Variants in PHACTR4 observed in about 807,000 individuals in gnomAD.
PHACTR4 encodes phosphatase and actin regulator 4, also known as protein phosphatase 1, regulatory subunit 124.
PHACTR4 carries 51 observed loss-of-function variants against 72.7 expected under a neutral mutation model. The ratio of observed to expected loss-of-function variants is 0.70; its 90% CI spans 0.56 to 0.89. The LOEUF is 0.89. PHACTR4 is among the 40% of genes least tolerant of loss of function. PHACTR4 has a pLI of 0.00. For missense variants in PHACTR4, 731 were observed against 861.8 expected, an observed-to-expected ratio of 0.85 and a Z score of 1.90; for synonymous variants, 255 against 302.5, an observed-to-expected ratio of 0.84 and a Z score of 1.63.
chr1:28,398,654 A>G (rs1042927326), intron 1 of PHACTR4, among the ~76,000 whole-genome samples: 1 of 151,912 alleles, frequency 6.6e-6, no homozygotes, highest in African/African-American at 2.4e-5. Context: ...CCCTGTCTCT[A>G]CCAAAAACAC....
At chr1:28,435,125 A>G (rs775716366) in intron 2 of PHACTR4, among the ~76,000 whole-genome samples, 4 of 152,054 alleles carry the variant, frequency 2.6e-5, no homozygotes, top group Non-Finnish European at 4.4e-5. Context: ...GCTTCTTCCA[A>G]CTTGCTCCCT....
intron 1 of PHACTR4, among the ~76,000 whole-genome samples, chr1:28,381,496 A>G (rs1187911429): frequency 7.2e-6 from 1 of 138,872 alleles, no homozygotes; most frequent in Non-Finnish European, 1.5e-5. Context: ...GACGCAGTTA[A>G]ACCATGTTAG....
chr1:28,485,603 T>C (rs1238807450), intron 9 of PHACTR4, among the ~76,000 whole-genome samples: 1 of 142,924 alleles, frequency 7.0e-6, no homozygotes, highest in Non-Finnish European at 1.5e-5. Flanking sequence ...AATCAGTCAA[T>C]AGTTAATACT....
rs1298864107 is a variant in PHACTR4, at chr1:28,479,652, G to A, written c.1607-799G>A. On this transcript the variant is annotated intron_variant, in intron 8 of 13. Transcript: ENST00000373839. ...TATAATCCCTGCACTTTGGGAGGCC[G>A]AGGTGGGTGGATCACCTGAGGTCAG... 3.3e-5 allele frequency among the ~76,000 whole-genome samples: 5 copies of A among 151,622 alleles called. No individual in the cohort carries two copies. The East Asian group carries it at 9.7e-4, about 29-fold the overall frequency.
At chr1:28,495,501 A>C (rs1661288584) in intron 13 of PHACTR4, among the ~76,000 whole-genome samples, 1 of 152,196 alleles carries the variant, frequency 6.6e-6, no homozygotes, top group Admixed American at 6.6e-5. Flanking sequence ...ACATGGAGAT[A>C]CCTAGAAGAC....
intron 13 of PHACTR4, among the ~76,000 whole-genome samples, chr1:28,496,230 G>A (rs963174314): frequency 6.6e-6 from 1 of 151,494 alleles, no homozygotes; most frequent in Non-Finnish European, 1.5e-5. Flanking sequence ...CTAATTTTTT[G>A]TATTTTTAGT....
intron 5 of PHACTR4, 63 bp from the exon 6 acceptor site, chr1:28,466,319 A>G: frequency 1.3e-6 from 2 of 1,513,806 alleles, no homozygotes; most frequent in Non-Finnish European, 1.8e-6. Flanking sequence ...TAGATGTGTT[A>G]GCTTTTTCAG....
chr1:28,376,721 C>A (rs1470051843), intron 1 of PHACTR4, among the ~76,000 whole-genome samples: 1 of 151,820 alleles, frequency 6.6e-6, no homozygotes, highest in Non-Finnish European at 1.5e-5. Flanking sequence ...ACTGCAAGCT[C>A]CACCTCCCGG....
intron 3 of PHACTR4, among the ~76,000 whole-genome samples, chr1:28,459,579 C>A (rs1658655699): frequency 6.6e-6 from 1 of 151,630 alleles, no homozygotes; most frequent in Non-Finnish European, 1.5e-5. Context: ...TTTTTAAATT[C>A]TTTGTAGAGA....
Position 28,459,106 on chromosome 1 carries a change from C to T in PHACTR4, c.38C>T (p.Thr13Ile), listed in dbSNP as rs866660914. The T allele has an allele frequency of 6.8e-6, 11 of 1,612,246 alleles. 1 individual carries two copies. The Middle Eastern group carries it at 1.5e-3, about 218-fold the overall frequency. The change falls in exon 3 of 14, where the codon ACA (threonine) becomes ATA (isoleucine). Residue 13 changes from threonine (T) to isoleucine (I), a missense_variant. Thr to Ile is a moderately conservative substitution (Grantham distance 89, BLOSUM62 -1). Transcript: ENST00000373839. ...DPFEEADQPT[T>I]EPGMVLDSVE... ...ACAGAGGAAGCAGACCAGCCCACTA[C>T]AGAGCCAGGCATGGTCCTGGACAGT...
intron 6 of PHACTR4, 65 bp from the exon 7 acceptor site, chr1:28,473,489 C>A: frequency 8.2e-7 from 1 of 1,226,758 alleles, no homozygotes; most frequent in Non-Finnish European, 1.2e-6. Flanking sequence ...TAATTCTAGG[C>A]CCTGGGCCGG....
intron 2 of PHACTR4, among the ~76,000 whole-genome samples, chr1:28,450,440 T>C (rs1334649440): frequency 6.6e-6 from 1 of 152,172 alleles, no homozygotes; most frequent in Non-Finnish European, 1.5e-5. Flanking sequence ...GAGCATTTTA[T>C]AAAATCAGAT....
chr1:28,397,869 G>T (rs7526211), intron 1 of PHACTR4, among the ~76,000 whole-genome samples: 58,050 of 151,342 alleles, frequency 0.38, 12,798 homozygotes, highest in African/African-American at 0.6. Flanking sequence ...CTAATTTTTT[G>T]TTGTTGTTGT....
intron 2 of PHACTR4, among the ~76,000 whole-genome samples, chr1:28,413,661 GT>G (rs1276933169): frequency 6.6e-6 from 1 of 152,042 alleles, no homozygotes; most frequent in African/African-American, 2.4e-5. Flanking sequence ...GTCTCTGCAT[GT>G]TTCTTTTTAT....
rs925003507 is a variant in PHACTR4, at chr1:28,462,722, G to T, written c.271+2430G>T. Among the ~76,000 whole-genome samples the T allele has an allele frequency of 2.0e-5, 3 of 152,258 alleles. No individual in the cohort carries two copies. In the South Asian group the frequency reaches 6.2e-4, roughly 32 times the overall value. ...AATCCAAGTTGTTTTTAGCCTACAA[G>T]TTCACAGGCCCAATTAATAAACGAG... On this transcript the variant is annotated intron_variant, in intron 4 of 13. Transcript: ENST00000373839.
At chr1:28,395,212 G>A (rs1569810876) in intron 1 of PHACTR4, among the ~76,000 whole-genome samples, 1 of 151,870 alleles carries the variant, frequency 6.6e-6, no homozygotes, top group African/African-American at 2.4e-5. Context: ...AGGCCCGGCT[G>A]GCCATCTTTT....
intron 2 of PHACTR4, among the ~76,000 whole-genome samples, chr1:28,425,847 A>G (rs930556069): frequency 6.6e-6 from 1 of 152,226 alleles, no homozygotes; most frequent in Admixed American, 6.5e-5. Flanking sequence ...TCATAGTCAC[A>G]TGTTTCAAAC....
intron 2 of PHACTR4, among the ~76,000 whole-genome samples, chr1:28,419,325 TGAAA>T (rs1236495693): frequency 6.6e-6 from 1 of 151,950 alleles, no homozygotes; most frequent in East Asian, 1.9e-4. Context: ...ATAAATATAT[TGAAA>T]GAATATGACC....
At chr1:28,463,593 T>A (rs1458200381) in intron 4 of PHACTR4, among the ~76,000 whole-genome samples, 1 of 152,254 alleles carries the variant, frequency 6.6e-6, no homozygotes, top group Non-Finnish European at 1.5e-5. Flanking sequence ...AGTAACTTAC[T>A]ATTTTTGTAT....
Sources: allele counts gnomAD v4.1 joint callset (sites outside exome capture counted in the v4.1 genomes callset), GRCh38; gene constraint gnomAD v4.1.1; transcripts MANE v1.5; gene names NCBI Gene and HGNC (gene_info 2026-07-23, HGNC 2026-07-21).